Variants in ZBTB43 observed in about 807,000 individuals in gnomAD.
The protein encoded by ZBTB43 is zinc finger and BTB domain containing 43.
In ZBTB43, 6 loss-of-function variants were observed where a neutral mutation model predicts 31.1. The observed-to-expected ratio is 0.19, with a 90% CI of 0.11 to 0.38. The LOEUF (loss-of-function observed/expected upper bound fraction) is 0.38. Ranked by LOEUF, ZBTB43 falls within the 10% of genes least tolerant of loss-of-function variation. The pLI is 1.00. For synonymous variants in ZBTB43, 212 were observed against 221.7 expected, an observed-to-expected ratio of 0.96 and a Z score of 0.39; for missense variants, 379 against 602.1, an observed-to-expected ratio of 0.63 and a Z score of 3.88.
rs556715732 is a variant in ZBTB43, at chr9:126,813,921, C to T, written c.-24+5006C>T. Among the ~76,000 whole-genome samples the T allele has an allele frequency of 2.0e-5, 3 of 152,086 alleles. No homozygotes were observed. The East Asian group carries it at 5.8e-4, about 29-fold the overall frequency. Reference sequence around the variant, plus strand: ...TATAGTCACATGTAATCAAATGTGCCCTGTGCATTTCCGCTTTGGAGAATT... The same window carrying T: ...TATAGTCACATGTAATCAAATGTGCTCTGTGCATTTCCGCTTTGGAGAATT... On this transcript the variant is annotated intron_variant, in intron 2 of 2. Coordinates refer to ENST00000373464, the MANE Select transcript of ZBTB43 (RefSeq NM_014007.4).
At chr9:126,828,654 A>AATTATTATTATTATTATTATTATT (rs59664603) in intron 2 of ZBTB43, among the ~76,000 whole-genome samples, 1 of 127,742 alleles carries the variant, frequency 7.8e-6, no homozygotes, top group African/African-American at 3.1e-5. Context: ...TAATAATAAT[A>AATTATTATTATTATTATTATTATT]ATTATTATTA....
intron 2 of ZBTB43, among the ~76,000 whole-genome samples, chr9:126,816,532 T>C (rs183554972): frequency 6.6e-6 from 1 of 152,368 alleles, no homozygotes; most frequent in African/African-American, 2.4e-5. Flanking sequence ...TTCTGGAATA[T>C]ATCCACAGAC....
chr9:126,825,787 G>C (rs944437296), intron 2 of ZBTB43, among the ~76,000 whole-genome samples: 1 of 151,614 alleles, frequency 6.6e-6, no homozygotes, highest in African/African-American at 2.4e-5. Flanking sequence ...AGTTCAGCCC[G>C]TAATGCATCG....
chr9:126,832,196 G>C, intron 2 of ZBTB43: 1 of 304,838 alleles, frequency 3.3e-6, no homozygotes. Context: ...TACAGTACTT[G>C]GTTTTACTTG....
chr9:126,806,760 T>TA (rs2032135286), intron 1 of ZBTB43, among the ~76,000 whole-genome samples: 2 of 152,230 alleles, frequency 1.3e-5, no homozygotes, highest in African/African-American at 2.4e-5. Context: ...CAGTTGAACC[T>TA]GTGTTTATTG....
At position 126,833,844 on chromosome 9, in the gene ZBTB43, G is replaced by T. The variant is rs371678784; in HGVS notation, c.1335G>T (p.Arg445=). 6.2e-7 allele frequency: 1 copy of T among 1,602,080 alleles called. No individual in the cohort carries two copies. Among genetic ancestry groups the T allele is most frequent in the Non-Finnish European group, 8.5e-7 (1 of 1,169,970 alleles). ...KRFMWRDSFH[R]HVTSCTKSYE... ...TTATGTGGAGGGACAGTTTCCACCGGCATGTGACTTCTTGTACTAAGTCCT... is the reference window on the plus strand; with the variant it reads ...TTATGTGGAGGGACAGTTTCCACCGTCATGTGACTTCTTGTACTAAGTCCT... Residue 445 remains arginine, a synonymous_variant, in exon 3 of 3, where the codon CGG becomes CGT. Coordinates refer to ENST00000373464, the MANE Select transcript of ZBTB43 (RefSeq NM_014007.4). This position sits in a 1 kb window ranked among gnomAD's most constrained non-coding sequence, Gnocchi z 7.9.
chr9:126,816,134 G>A (rs539485834), intron 2 of ZBTB43, among the ~76,000 whole-genome samples: 8 of 152,010 alleles, frequency 5.3e-5, no homozygotes, highest in East Asian at 1.9e-4. Flanking sequence ...ATTATTTCAC[G>A]TTCTCTGGTT....
intron 2 of ZBTB43, among the ~76,000 whole-genome samples, chr9:126,812,101 C>T (rs560806432): frequency 3.3e-5 from 5 of 152,104 alleles, no homozygotes; most frequent in Admixed American, 2.0e-4. Context: ...CCTGTAGCCA[C>T]GAATCTACTT....
intron 1 of ZBTB43, among the ~76,000 whole-genome samples, chr9:126,806,115 A>G (rs1252865707): frequency 1.3e-5 from 2 of 152,100 alleles, no homozygotes; most frequent in East Asian, 3.8e-4. Context: ...CAGCTTCCCA[A>G]ATGCCTTCGC....
In ZBTB43 at chr9:126,833,295, G is replaced by A. The variant is rs772898582; in HGVS notation, c.786G>A (p.Ala262=). The A allele has an allele frequency of 5.6e-6, 9 of 1,612,986 alleles. No individual in the cohort carries two copies. Among genetic ancestry groups the A allele is most frequent in the Admixed American group, 3.3e-5 (2 of 59,852 alleles). The change falls in exon 3 of 3, where the codon GCG becomes GCA. Residue 262 remains alanine, a synonymous_variant. Coordinates refer to ENST00000373464, the MANE Select transcript of ZBTB43 (RefSeq NM_014007.4). The surrounding 1 kb of genome is among the most constrained non-coding windows in gnomAD (Gnocchi z 7.9). ...EQACEGMDVH[A]TYDEHQVTES... The stretch of plus-strand genomic sequence containing the variant: ...CTTGCGAGGGCATGGATGTGCACGC[G>A]ACCTACGACGAGCACCAGGTCACAG...
chr9:126,827,537 A>G (rs999310187), intron 2 of ZBTB43, among the ~76,000 whole-genome samples: 22 of 152,238 alleles, frequency 1.4e-4, no homozygotes, highest in African/African-American at 5.1e-4. Context: ...GGTTGCTGTG[A>G]GTGTCTGATC....
At position 126,834,211 on chromosome 9, in the gene ZBTB43, TG is replaced by T. The variant is rs2032831918; in HGVS notation, c.*300del. Reference sequence around the variant, plus strand: ...ACAGGTGGACAGAGACACCTGCACTTGGAACTGGACTCCACCCACCAGTTCC... The same window carrying T: ...ACAGGTGGACAGAGACACCTGCACTTGAACTGGACTCCACCCACCAGTTCC... On this transcript the variant is annotated 3_prime_UTR_variant, in exon 3 of 3. Coordinates refer to ENST00000373464, the MANE Select transcript of ZBTB43 (RefSeq NM_014007.4). 1 of 268,058 alleles carries T rather than the reference TG, an allele frequency of 3.7e-6. No homozygotes were observed. The highest frequency in any genetic ancestry group is 7.6e-6 in the Non-Finnish European group (1 of 131,474). The allele number at this position is 268,058 out of a possible 1,614,324, so 16.6% of individuals were successfully genotyped here.
At chr9:126,824,048 A>G (rs1367102830) in intron 2 of ZBTB43, among the ~76,000 whole-genome samples, 1 of 151,684 alleles carries the variant, frequency 6.6e-6, no homozygotes, top group Admixed American at 6.6e-5. Flanking sequence ...TTTTTTTGAG[A>G]CAGAGTCTCA....
rs960167323 is a variant in ZBTB43 at position 126,836,886 on chromosome 9, C to G, written c.*2973C>G. On this transcript the variant is annotated 3_prime_UTR_variant, in exon 3 of 3. Coordinates refer to ENST00000373464, the MANE Select transcript of ZBTB43 (RefSeq NM_014007.4). The stretch of plus-strand genomic sequence containing the variant: ...TGGGAGGCCGAGATGGGTGGATCAC[C>G]TGAGGTCAGGAGTTTGTGACCAGCC... 4.5e-5 allele frequency: 7 copies of G among 154,480 alleles called. No individual in the cohort carries two copies. Among genetic ancestry groups the G allele is most frequent in the African/African-American group, 1.7e-4 (7 of 41,362 alleles). 9.6% of individuals were successfully genotyped at this position (154,480 alleles called of 1,614,324 possible).
chr9:126,822,002 G>A (rs982566340), intron 2 of ZBTB43, among the ~76,000 whole-genome samples: 9 of 151,740 alleles, frequency 5.9e-5, no homozygotes, highest in Middle Eastern at 3.4e-3. Flanking sequence ...GATTACAGTC[G>A]CCCACCACCA....
intron 1 of ZBTB43, among the ~76,000 whole-genome samples, chr9:126,806,603 A>C (rs1340713376): frequency 2.0e-5 from 3 of 152,212 alleles, no homozygotes; most frequent in Non-Finnish European, 1.5e-5. Flanking sequence ...GGACTCTTAA[A>C]ATTACTTAAA....
At chr9:126,813,187 C>T (rs775300609) in intron 2 of ZBTB43, among the ~76,000 whole-genome samples, 3 of 152,038 alleles carry the variant, frequency 2.0e-5, no homozygotes, top group Non-Finnish European at 2.9e-5. Flanking sequence ...ACCATGTTGG[C>T]CAGGCCGGTC....
At chr9:126,807,977 A>T (rs1384516456) in intron 1 of ZBTB43, among the ~76,000 whole-genome samples, 3 of 152,154 alleles carry the variant, frequency 2.0e-5, no homozygotes, top group Non-Finnish European at 4.4e-5. Flanking sequence ...TTGCAGTTAG[A>T]ATAGGGGCTT....
intron 2 of ZBTB43, among the ~76,000 whole-genome samples, chr9:126,815,385 G>A (rs1255718108): frequency 6.8e-6 from 1 of 146,312 alleles, no homozygotes; most frequent in Non-Finnish European, 1.5e-5. Context: ...GTTTTCATGT[G>A]TCTGATAGCT....
Sources: gnomAD v4.1 joint callset for allele counts (sites outside exome capture counted in the v4.1 genomes callset) on GRCh38, gnomAD v4.1.1 for gene constraint, Gnocchi (gnomAD v3.1) non-coding constraint, MANE v1.5 for transcripts, NCBI Gene and HGNC (gene_info 2026-07-23, HGNC 2026-07-21) for gene names.